TUBB: variants seen among roughly 807,000 people sequenced by gnomAD.
The protein encoded by TUBB is tubulin beta class I, also known as tubulin beta chain.
A neutral mutation model predicts 35.1 loss-of-function variants in TUBB; 2 were observed. That is an observed-to-expected ratio of 0.06 (90% CI 0.02 to 0.18). The LOEUF is 0.18. TUBB is among the 10% of genes least tolerant of loss of function. The pLI is 1.00. For missense variants in TUBB, 50 were observed against 599.4 expected (o/e 0.08, Z 9.57); for synonymous variants, 205 against 223.8 (o/e 0.92, Z 0.75).
rs747714976 is a variant in TUBB at position 30,724,058 on chromosome 6, C to T, written c.996C>T (p.Asn332=). ...AGGAGGTCGATGAGCAGATGCTTAA[C>T]GTGCAGAACAAGAACAGCAGCTACT... ...SMKEVDEQML[N]VQNKNSSYFV... is the part of the protein sequence containing the mutation. Residue 332 remains asparagine (N), a synonymous_variant, in exon 4 of 4, where the codon AAC becomes AAT. Transcript: ENST00000327892. This position sits in a 1 kb window ranked among gnomAD's most constrained non-coding sequence, Gnocchi z 4.4. The T allele has an allele frequency of 1.5e-5, 25 of 1,613,864 alleles. No homozygotes were observed. The highest frequency in any genetic ancestry group is 8.3e-5 in the Admixed American group (5 of 59,990).
intron 2 of TUBB, 82 bp from the exon 3 acceptor site, chr6:30,722,836 T>G: frequency 1.6e-6 from 2 of 1,288,468 alleles, no homozygotes; most frequent in Non-Finnish European, 2.2e-6. Context: ...AAGTCTCTGA[T>G]CCCTGCTGTC....
Position 30,720,357 on chromosome 6 carries a change from A to G in TUBB, c.-150A>G. 1 of 767,448 alleles carries G rather than the reference A, an allele frequency of 1.3e-6. No homozygotes were observed. 47.5% of individuals were successfully genotyped at this position (767,448 alleles called of 1,614,324 possible). Reference sequence around the variant, plus strand: ...CCCTCCCCTCTCCTTTCTCCCTCTCAGAACCTTCCTGCCGTCGCGTTTGCA... The same window carrying G: ...CCCTCCCCTCTCCTTTCTCCCTCTCGGAACCTTCCTGCCGTCGCGTTTGCA... On this transcript the variant is annotated 5_prime_UTR_variant, in exon 1 of 4. Coordinates refer to ENST00000327892, the MANE Select transcript of TUBB (RefSeq NM_178014.4).
At position 30,720,798 on chromosome 6, in the gene TUBB, G is replaced by C. The variant is rs3132583; in HGVS notation, c.57+235G>C. On this transcript the variant is annotated intron_variant, in intron 1 of 3. Transcript: ENST00000327892. Reference sequence around the variant, plus strand: ...CTAGTAAAAGGGCTCTTCGGGTTTGGGGGCGGGAAGACCGAGGACTTATAA... The same window carrying C: ...CTAGTAAAAGGGCTCTTCGGGTTTGCGGGCGGGAAGACCGAGGACTTATAA... Among the ~76,000 whole-genome samples the C allele has an allele frequency of 0.073, 11,058 of 152,330 alleles. 579 individuals are homozygous for C. Among genetic ancestry groups the C allele is most frequent in the Non-Finnish European group, 0.12 (7,844 of 68,030 alleles).
Position 30,725,400 on chromosome 6 carries a change from A to T in TUBB, c.*1003A>T, listed in dbSNP as rs1459208550. 1 of 152,200 alleles carries T rather than the reference A, an allele frequency of 6.6e-6. No homozygotes were observed. The highest frequency in any genetic ancestry group is 1.5e-5 in the Non-Finnish European group (1 of 68,048). 9.4% of individuals were successfully genotyped at this position (152,200 alleles called of 1,614,324 possible). On this transcript the variant is annotated 3_prime_UTR_variant, in exon 4 of 4. Coordinates refer to ENST00000327892, the MANE Select transcript of TUBB (RefSeq NM_178014.4). ...AAAGATGACATCGCCCCAAGAGCCA[A>T]AAATAAATGGGAATTGAAAAAAGCT...
intron 1 of TUBB, chr6:30,721,703 C>G: frequency 1.0e-6 from 1 of 985,346 alleles, no homozygotes; most frequent in Non-Finnish European, 1.2e-6. Context: ...GAGAGCGGCG[C>G]TTATCGAAGT....
chr6:30,723,080 T>C (rs750765489), intron 3 of TUBB, 52 bp downstream of exon 3: 12 of 1,455,004 alleles, frequency 8.2e-6, no homozygotes, highest in Admixed American at 1.8e-5. Flanking sequence ...GTTCAACTTA[T>C]TTGGGTGCAA....
In TUBB at chr6:30,720,425, C is replaced by T; in HGVS notation, c.-82C>T. On this transcript the variant is annotated 5_prime_UTR_variant, in exon 1 of 4. Transcript: ENST00000327892. ...CTGGGGCGCATTCCAACCTTCCAGC[C>T]TGCGACCTGCGGAGAAAAAAAATTA... The T allele has an allele frequency of 7.0e-7, 1 of 1,423,800 alleles. No individual in the cohort carries two copies. Among genetic ancestry groups the T allele is most frequent in the Non-Finnish European group, 9.9e-7 (1 of 1,010,580 alleles). 88.2% of individuals were successfully genotyped at this position (1,423,800 alleles called of 1,614,324 possible).
In TUBB at chr6:30,724,019, T is replaced by C. The variant is rs1482574763; in HGVS notation, c.957T>C (p.Gly319=). The change falls in exon 4 of 4, where the codon GGT becomes GGC. Residue 319 remains glycine, a synonymous_variant. Transcript: ENST00000327892. The surrounding 1 kb of genome is among the most constrained non-coding windows in gnomAD (Gnocchi z 4.4). ...TCACCGTGGCTGCTGTCTTCCGTGG[T>C]CGGATGTCCATGAAGGAGGTCGATG... ...RYLTVAAVFR[G]RMSMKEVDEQ... 3 of 1,614,070 alleles carry C rather than the reference T, an allele frequency of 1.9e-6. No individual in the cohort carries two copies. The highest frequency in any genetic ancestry group is 1.7e-4 in the Middle Eastern group (1 of 6,048).
chr6:30,722,409 C>T (rs1298218142), intron 1 of TUBB, 128 bp from the exon 2 acceptor site: 3 of 689,316 alleles, frequency 4.4e-6, no homozygotes, highest in Non-Finnish European at 7.6e-6. Context: ...CGCCACTGCA[C>T]TCCAGCCTGG....
intron 1 of TUBB, chr6:30,721,936 G>C: frequency 1.0e-6 from 1 of 974,592 alleles, no homozygotes; most frequent in Non-Finnish European, 1.2e-6. Flanking sequence ...AGGGGTTCGA[G>C]ACCATCCTGG....
chr6:30,723,815 C>T lies in TUBB; in HGVS notation c.753C>T (p.Arg251=). Residue 251 remains arginine (R), a synonymous_variant, in exon 4 of 4, where the codon CGC becomes CGT. Transcript: ENST00000327892. Reference sequence around the variant, plus strand: ...CTGGCCAGCTCAATGCTGACCTCCGCAAGTTGGCAGTCAACATGGTCCCCT... The same window carrying T: ...CTGGCCAGCTCAATGCTGACCTCCGTAAGTTGGCAGTCAACATGGTCCCCT... ...RFPGQLNADL[R]KLAVNMVPFP... is the part of the protein sequence containing the mutation. 6.2e-7 allele frequency: 1 copy of T among 1,614,032 alleles called. No individual in the cohort carries two copies. The highest frequency in any genetic ancestry group is 8.5e-7 in the Non-Finnish European group (1 of 1,179,950).
intron 1 of TUBB, among the ~76,000 whole-genome samples, chr6:30,721,370 GA>G (rs1182662808): frequency 2.0e-5 from 3 of 151,364 alleles, no homozygotes; most frequent in Non-Finnish European, 4.4e-5. Flanking sequence ...TGTAGCGGGG[GA>G]GGGGCGGGAG....
At chr6:30,722,272 GTC>G (rs1016754298) in intron 1 of TUBB, 48 of 421,282 alleles carry the variant, frequency 1.1e-4, no homozygotes, top group Non-Finnish European at 2.0e-4. Context: ...GGTGAAACCC[GTC>G]TCTACTAAAA....
At chr6:30,721,486 G>T in intron 1 of TUBB, 1 of 940,186 alleles carries the variant, frequency 1.1e-6, no homozygotes, top group Non-Finnish European at 1.3e-6. Context: ...CGGCAGGGGC[G>T]CGCTACCTTG....
intron 3 of TUBB, 55 bp from the exon 4 acceptor site, chr6:30,723,285 C>T: frequency 7.3e-7 from 1 of 1,370,308 alleles, no homozygotes; most frequent in Non-Finnish European, 1.0e-6. Flanking sequence ...AAGATGGAAA[C>T]ATCATGTATC....
intron 1 of TUBB, among the ~76,000 whole-genome samples, chr6:30,720,904 C>T (rs372290345): frequency 7.9e-5 from 12 of 152,232 alleles, no homozygotes; most frequent in African/African-American, 2.4e-4. Flanking sequence ...CAAAGCGGGG[C>T]GAGGTTTTGC....
At position 30,720,417 on chromosome 6, in the gene TUBB, C is replaced by A; in HGVS notation, c.-90C>A. 1.5e-6 allele frequency: 2 copies of A among 1,346,836 alleles called. No homozygotes were observed. Among genetic ancestry groups the A allele is most frequent in the Non-Finnish European group, 2.1e-6 (2 of 942,334 alleles). 83.4% of individuals were successfully genotyped at this position (1,346,836 alleles called of 1,614,324 possible). A position where few individuals can be genotyped will look rare whatever the true frequency, so the allele number is the denominator to read the frequency against. The stretch of plus-strand genomic sequence containing the variant: ...TCCAGCCTCTGGGGCGCATTCCAAC[C>A]TTCCAGCCTGCGACCTGCGGAGAAA... On this transcript the variant is annotated 5_prime_UTR_variant, in exon 1 of 4. Transcript: ENST00000327892.
intron 1 of TUBB, 86 bp downstream of exon 1, chr6:30,720,649 C>T (rs1375706276): frequency 4.9e-6 from 6 of 1,214,672 alleles, no homozygotes; most frequent in African/African-American, 4.6e-5. Flanking sequence ...CATTTGCACC[C>T]GCTATCCTTA....
chr6:30,722,731 T>A, intron 2 of TUBB, 86 bp downstream of exon 2: 1 of 1,292,462 alleles, frequency 7.7e-7, no homozygotes, highest in Non-Finnish European at 1.1e-6. Flanking sequence ...GCACGCCTTA[T>A]CCCCTTTGGG....
Sources: allele counts gnomAD v4.1 joint callset (sites outside exome capture counted in the v4.1 genomes callset), GRCh38; gene constraint gnomAD v4.1.1; non-coding constraint Gnocchi (gnomAD v3.1); transcripts MANE v1.5; gene names NCBI Gene and HGNC (gene_info 2026-07-23, HGNC 2026-07-21).